The following AFAP1L1 variants were observed in gnomAD, a reference collection of about 807,000 sequenced individuals.
AFAP1L1 encodes actin filament-associated protein 1-like 1.
In AFAP1L1, 77 loss-of-function variants were observed where a neutral mutation model predicts 99.8. That is an observed-to-expected ratio of 0.77 (90% confidence interval 0.64 to 0.93). The LOEUF (loss-of-function observed/expected upper bound fraction) is 0.93. Ranked by LOEUF, AFAP1L1 falls within the 40% of genes least tolerant of loss-of-function variation. The pLI is 0.00. For missense variants in AFAP1L1, 893 were observed against 996.8 expected (o/e 0.90, Z 1.40); for synonymous variants, 373 against 395.3 (o/e 0.94, Z 0.67).
intron 3 of AFAP1L1, among the ~76,000 whole-genome samples, chr5:149,300,626 C>T (rs564142305): frequency 1.3e-5 from 2 of 152,382 alleles, no homozygotes; most frequent in East Asian, 3.9e-4. Context: ...TCACCGGCCA[C>T]TCCCAGGTGA....
chr5:149,331,348 C>G (rs1170094160), intron 16 of AFAP1L1, among the ~76,000 whole-genome samples: 2 of 152,092 alleles, frequency 1.3e-5, no homozygotes, highest in Non-Finnish European at 2.9e-5. Flanking sequence ...AGGCTGGGTG[C>G]GGTGGCTCAC....
At chr5:149,338,344 C>T (rs1257027883) in intron 18 of AFAP1L1, among the ~76,000 whole-genome samples, 1 of 152,148 alleles carries the variant, frequency 6.6e-6, no homozygotes, top group African/African-American at 2.4e-5. Flanking sequence ...TGCCTATAGT[C>T]CCAGCTACTC....
At chr5:149,303,711 T>A (rs1367757560) in intron 5 of AFAP1L1, among the ~76,000 whole-genome samples, 22 of 152,178 alleles carry the variant, frequency 1.4e-4, no homozygotes, top group African/African-American at 4.8e-4. Context: ...TGCATCCGTT[T>A]TAACAATTTT....
At chr5:149,301,364 G>A in intron 4 of AFAP1L1, 134 bp downstream of exon 4, 2 of 671,840 alleles carry the variant, frequency 3.0e-6, no homozygotes, top group Admixed American at 2.6e-5. Flanking sequence ...TGTGGGTGAG[G>A]GCACAGGCAG....
chr5:149,307,625 G>A lies in AFAP1L1; in HGVS notation c.747+12G>A. The A allele has an allele frequency of 6.2e-7, 1 of 1,611,388 alleles. No individual in the cohort carries two copies. The highest frequency in any genetic ancestry group is 8.5e-7 in the Non-Finnish European group (1 of 1,179,606). On this transcript the variant is annotated intron_variant, in intron 7 of 18. Transcript: ENST00000296721. ...AGGACCAGCTCCTGGTGAGTGGTCA[G>A]CAGCAGCCATGTGCCTCGGCCTCAC...
chr5:149,306,493 C>T, intron 6 of AFAP1L1, 89 bp downstream of exon 6: 1 of 1,197,934 alleles, frequency 8.3e-7, no homozygotes, highest in Middle Eastern at 2.4e-4. Context: ...ATGGGTGTGC[C>T]CACCAGCCCC....
chr5:149,318,278 T>G (rs1293574380), intron 12 of AFAP1L1, among the ~76,000 whole-genome samples: 1 of 152,268 alleles, frequency 6.6e-6, no homozygotes, highest in African/African-American at 2.4e-5. Flanking sequence ...TTTTATTCAC[T>G]AAATCTGGCA....
chr5:149,286,699 A>G (rs1755693380), intron 1 of AFAP1L1, among the ~76,000 whole-genome samples: 1 of 152,246 alleles, frequency 6.6e-6, no homozygotes, highest in South Asian at 2.1e-4. Context: ...AAATTTCAGT[A>G]TACAGGGTGC....
chr5:149,331,239 C>T (rs1757247284), intron 16 of AFAP1L1, among the ~76,000 whole-genome samples: 1 of 151,750 alleles, frequency 6.6e-6, no homozygotes, highest in African/African-American at 2.4e-5. Context: ...GAGTTCGACA[C>T]CAGCCTGAGC....
chr5:149,304,992 C>T (rs1360492358), intron 5 of AFAP1L1, among the ~76,000 whole-genome samples: 2 of 152,192 alleles, frequency 1.3e-5, no homozygotes, highest in African/African-American at 2.4e-5. Flanking sequence ...CCTGAGCTGG[C>T]ACCCTCAGTT....
Position 149,307,559 on chromosome 5 carries a change from G to A in AFAP1L1, c.693G>A (p.Lys231=), listed in dbSNP as rs780616718. 1.2e-6 allele frequency: 2 copies of A among 1,613,636 alleles called. No homozygotes were observed. Among genetic ancestry groups the A allele is most frequent in the South Asian group, 1.1e-5 (1 of 91,044 alleles). ...TATGTGCCTTCCTGCTGCGGAAAAA[G>A]CGTTTCGGGCAGTGGGCCAAGCAGC... The part of the protein sequence containing the change: ...CRICAFLLRK[K]RFGQWAKQLT... The change falls in exon 7 of 19, where the codon AAG becomes AAA. Residue 231 remains lysine (K), a synonymous_variant. Coordinates refer to ENST00000296721, the MANE Select transcript of AFAP1L1 (RefSeq NM_152406.4).
At chr5:149,278,423 G>A (rs1422341775) in intron 1 of AFAP1L1, among the ~76,000 whole-genome samples, 2 of 152,174 alleles carry the variant, frequency 1.3e-5, no homozygotes, top group Admixed American at 6.5e-5. Context: ...CTCCTGGCCT[G>A]TAGCTCTGTT....
Position 149,322,733 on chromosome 5 carries a change from G to T in AFAP1L1, c.1810+16G>T. ...CACGCCTCCAGTGAGTTGTGTGTGG[G>T]CCTCCCCTGCTGACTAGGGAGGAAG... On this transcript the variant is annotated intron_variant, in intron 15 of 18. Transcript: ENST00000296721. 1 of 1,560,320 alleles carries T rather than the reference G, an allele frequency of 6.4e-7. No homozygotes were observed. The highest frequency in any genetic ancestry group is 8.7e-7 in the Non-Finnish European group (1 of 1,149,308).
At chr5:149,318,006 T>G in intron 12 of AFAP1L1, 66 bp downstream of exon 12, 1 of 1,515,912 alleles carries the variant, frequency 6.6e-7, no homozygotes, top group South Asian at 1.2e-5. Context: ...TGTCATGTTT[T>G]TGTTTGGGGG....
chr5:149,322,607 A>T lies in AFAP1L1; in HGVS notation c.1700A>T (p.Asp567Val). 6.4e-7 allele frequency: 1 copy of T among 1,567,882 alleles called. No homozygotes were observed. The highest frequency in any genetic ancestry group is 8.7e-7 in the Non-Finnish European group (1 of 1,155,006). Residue 567 changes from aspartate to valine, a missense_variant and splice_region_variant, in exon 15 of 19, where the codon GAC (aspartate) becomes GTC (valine). Transcript: ENST00000296721. Reference sequence around the variant, plus strand: ...CTGTCTTCCTCCATCTCCCACCAGGACGAGGAGCCCGAGCGCCCCACAGGG... The same window carrying T: ...CTGTCTTCCTCCATCTCCCACCAGGTCGAGGAGCCCGAGCGCCCCACAGGG... ...YDDVPYEKMQ[D>V]EEPERPTGAQ...
At chr5:149,310,253 A>G (rs930582555) in intron 8 of AFAP1L1, 118 bp downstream of exon 8, 24 of 1,305,858 alleles carry the variant, frequency 1.8e-5, no homozygotes, top group Non-Finnish European at 2.3e-5. Context: ...CCTGAGCCCA[A>G]GTGCCCTCTG....
At position 149,343,395 on chromosome 5, in the gene AFAP1L1, A is replaced by G. The variant is rs561316010; in HGVS notation, c.*3365A>G. On this transcript the variant is annotated 3_prime_UTR_variant, in exon 19 of 19. Transcript: ENST00000296721. ...ACTCCAAGTGCCCTGGACCCCAGTC[A>G]CCAATCCATCCTCTCAGTCTGTCAG... Among the ~76,000 whole-genome samples, 141 of 152,198 alleles carry G rather than the reference A, an allele frequency of 9.3e-4. No homozygotes were observed. The highest frequency in any genetic ancestry group is 3.4e-3 in the Middle Eastern group (1 of 294).
In AFAP1L1 at chr5:149,316,258, G is replaced by A. The variant is rs150469518; in HGVS notation, c.1222G>A (p.Asp408Asn). The change falls in exon 11 of 19, where the codon GAT becomes AAT. Residue 408 changes from aspartate (D) to asparagine (N), a missense_variant. Asp to Asn is a conservative substitution (Grantham distance 23). Coordinates refer to ENST00000296721, the MANE Select transcript of AFAP1L1 (RefSeq NM_152406.4). ...IGFSKKKTLA[D>N]DLQTSSTEEE... Reference sequence around the variant, plus strand: ...CTTCTCCAAGAAGAAGACACTGGCCGATGACCTGCAGACGTCCTCCACCGA... The same window carrying A: ...CTTCTCCAAGAAGAAGACACTGGCCAATGACCTGCAGACGTCCTCCACCGA... 8.1e-6 allele frequency: 13 copies of A among 1,613,950 alleles called. No homozygotes were observed. The highest frequency in any genetic ancestry group is 2.7e-5 in the African/African-American group (2 of 74,908).
chr5:149,301,078 T>C, intron 3 of AFAP1L1, 55 bp from the exon 4 acceptor site: 8 of 1,539,114 alleles, frequency 5.2e-6, no homozygotes, highest in Non-Finnish European at 6.3e-6. Flanking sequence ...CCTCTTCCCC[T>C]GGTCTGTGCT....
Sources: gnomAD v4.1 joint callset for allele counts (sites outside exome capture counted in the v4.1 genomes callset) on GRCh38, gnomAD v4.1.1 for gene constraint, MANE v1.5 for transcripts, NCBI Gene and HGNC (gene_info 2026-07-23, HGNC 2026-07-21) for gene names.